The following ALMS1 variants were observed in gnomAD, a reference collection of about 807,000 sequenced individuals.
ALMS1 encodes centrosome-associated protein ALMS1.
A neutral mutation model predicts 352.2 loss-of-function variants in ALMS1; 271 were observed. That is an observed-to-expected ratio of 0.77 (90% CI 0.70 to 0.85). ALMS1 has a LOEUF of 0.85. ALMS1 is among the 40% of genes least tolerant of loss of function. The pLI is 0.00. For missense variants in ALMS1, 5,445 were observed against 4,870.7 expected (o/e 1.12, Z -3.51); for synonymous variants, 1,865 against 1,761.2 (o/e 1.06, Z -1.48).
Position 73,385,848 on chromosome 2 carries a change from C to A in ALMS1, c.-21C>A. 1 of 715,324 alleles carries A rather than the reference C, an allele frequency of 1.4e-6. No homozygotes were observed. Among genetic ancestry groups the A allele is most frequent in the East Asian group, 2.7e-5 (1 of 36,842 alleles). The allele number at this position is 715,324 out of a possible 1,614,324, so 44.3% of individuals were successfully genotyped here. On this transcript the variant is annotated 5_prime_UTR_variant, in exon 1 of 23. Transcript: ENST00000613296. ...TCCCCCCCTCCTCCTCCTCCTCTGC[C>A]GCCCAGAGCGAGACACCAACATGGA...
chr2:73,459,904 G>A (rs1672149847), intron 9 of ALMS1, among the ~76,000 whole-genome samples: 1 of 152,146 alleles, frequency 6.6e-6, no homozygotes, highest in African/African-American at 2.4e-5. Context: ...CCTTTCAGCA[G>A]ACAATGTGTG....
At chr2:73,559,527 AAATC>A (rs1170943586) in intron 15 of ALMS1, among the ~76,000 whole-genome samples, 4 of 152,132 alleles carry the variant, frequency 2.6e-5, no homozygotes, top group Admixed American at 2.6e-4. Context: ...AATTACAATA[AAATC>A]ACATTTATTT....
chr2:73,469,286 A>G (rs1328794982), intron 9 of ALMS1, among the ~76,000 whole-genome samples: 1 of 151,984 alleles, frequency 6.6e-6, no homozygotes, highest in East Asian at 1.9e-4. Flanking sequence ...AAAATCTATC[A>G]GTTAATGAAC....
rs999127320 is a variant in ALMS1 at position 73,396,336 on chromosome 2, A to G, written c.324+10144A>G. Among the ~76,000 whole-genome samples the G allele has an allele frequency of 5.9e-5, 9 of 151,900 alleles. No homozygotes were observed. The East Asian group carries it at 1.5e-3, about 26-fold the overall frequency. ...CACACACACACACACACACACACAC[A>G]CACGCTTGTATTTTGTTTAGAGTTA... On this transcript the variant is annotated intron_variant, in intron 1 of 22. Transcript: ENST00000613296.
intron 10 of ALMS1, among the ~76,000 whole-genome samples, chr2:73,493,280 T>C (rs1445942951): frequency 6.6e-6 from 1 of 151,476 alleles, no homozygotes; most frequent in Non-Finnish European, 1.5e-5. Flanking sequence ...CACATGGCCA[T>C]TGAGCATTGG....
chr2:73,566,362 GTCACCCTGA>G (rs1311636659), intron 15 of ALMS1, among the ~76,000 whole-genome samples: 6 of 152,300 alleles, frequency 3.9e-5, no homozygotes, highest in Admixed American at 3.9e-4. Flanking sequence ...TATCATGACA[GTCACCCTGA>G]TAACCCAGAC....
intron 15 of ALMS1, among the ~76,000 whole-genome samples, chr2:73,560,640 A>G (rs940923276): frequency 1.3e-4 from 20 of 152,212 alleles, no homozygotes; most frequent in African/African-American, 4.1e-4. Flanking sequence ...AGGTGGAAGC[A>G]ACCCACATGT....
Position 73,482,155 on chromosome 2 carries a change from C to A in ALMS1, c.7675-7479C>A, listed in dbSNP as rs540025533. Among the ~76,000 whole-genome samples, 3 of 152,242 alleles carry A rather than the reference C, an allele frequency of 2.0e-5. No individual in the cohort carries two copies. In the South Asian group the frequency reaches 6.2e-4, roughly 32 times the overall value. ...GAGAGAGGGCATCCCTGTCTTGTGC[C>A]GGTTTTCAAAGGGAATGCTTCCAGT... On this transcript the variant is annotated intron_variant, in intron 9 of 22. Transcript: ENST00000613296.
At chr2:73,518,665 A>T (rs1673609316) in intron 10 of ALMS1, among the ~76,000 whole-genome samples, 2 of 152,134 alleles carry the variant, frequency 1.3e-5, no homozygotes, top group Admixed American at 6.5e-5. Flanking sequence ...ATTCTGATTG[A>T]TGTGAAATGG....
At chr2:73,585,055 T>G (rs1244166719) in intron 16 of ALMS1, among the ~76,000 whole-genome samples, 2 of 152,214 alleles carry the variant, frequency 1.3e-5, no homozygotes, top group Middle Eastern at 3.2e-3. Flanking sequence ...GCTTCCATGT[T>G]TTTGCAATTG....
At chr2:73,548,691 T>G (rs1398556585) in intron 12 of ALMS1, among the ~76,000 whole-genome samples, 1 of 152,206 alleles carries the variant, frequency 6.6e-6, no homozygotes, top group African/African-American at 2.4e-5. Flanking sequence ...ACATCTTTTC[T>G]AATTTCCATA....
At chr2:73,464,113 G>C (rs1315894333) in intron 9 of ALMS1, among the ~76,000 whole-genome samples, 2 of 152,136 alleles carry the variant, frequency 1.3e-5, no homozygotes, top group African/African-American at 4.8e-5. Context: ...GCATCATTCT[G>C]ATACCAAAGC....
chr2:73,530,552 T>C (rs926602084), intron 11 of ALMS1, among the ~76,000 whole-genome samples: 2 of 152,182 alleles, frequency 1.3e-5, no homozygotes, highest in Non-Finnish European at 2.9e-5. Context: ...AGGTGCACAG[T>C]GCAAGCTGTT....
intron 7 of ALMS1, among the ~76,000 whole-genome samples, chr2:73,444,382 G>A (rs369783291): frequency 7.6e-4 from 115 of 151,800 alleles, no homozygotes; most frequent in Non-Finnish European, 1.3e-3. Context: ...GGGATTTGAT[G>A]TTTGAGTACA....
At chr2:73,468,493 C>A (rs1236584529) in intron 9 of ALMS1, among the ~76,000 whole-genome samples, 1 of 152,016 alleles carries the variant, frequency 6.6e-6, no homozygotes, top group Non-Finnish European at 1.5e-5. Context: ...CTCCAAGACT[C>A]TTTTCATCTT....
At position 73,453,159 on chromosome 2, in the gene ALMS1, C is replaced by A. The variant is rs1357695377; in HGVS notation, c.6632C>A (p.Ser2211Tyr). 13 of 1,613,928 alleles carry A rather than the reference C, an allele frequency of 8.1e-6. No individual in the cohort carries two copies. The highest frequency in any genetic ancestry group is 1.1e-5 in the Non-Finnish European group (13 of 1,179,992). Residue 2211 changes from serine (S) to tyrosine (Y), a missense_variant, in exon 8 of 23, where the codon TCT becomes TAT. Ser to Tyr is a moderately radical substitution (Grantham distance 144, BLOSUM62 -2). Coordinates refer to ENST00000613296, the MANE Select transcript of ALMS1 (RefSeq NM_001378454.1). ...HVQRLIDNLN[S>Y]SDSSVSSNNV... ...CAAAGGCTAATAGATAATTTGAATT[C>A]TTCTGACTCCAGTGTTAGCTCAAAT...
chr2:73,504,522 G>C (rs1184487130), intron 10 of ALMS1, among the ~76,000 whole-genome samples: 2 of 152,080 alleles, frequency 1.3e-5, no homozygotes, highest in African/African-American at 4.8e-5. Flanking sequence ...ATGTTACATA[G>C]ATGGAACATA....
intron 9 of ALMS1, among the ~76,000 whole-genome samples, chr2:73,474,140 A>AT (rs200469759): frequency 0.07 from 10,605 of 150,542 alleles, 408 homozygotes; most frequent in Middle Eastern, 0.12. Context: ...GCTTTAACAG[A>AT]TTTTTTTTTT....
chr2:73,491,994 T>C (rs1673000491), intron 10 of ALMS1, among the ~76,000 whole-genome samples: 1 of 152,184 alleles, frequency 6.6e-6, no homozygotes, highest in South Asian at 2.1e-4. Flanking sequence ...GATACCAGTT[T>C]AGTCAAATGA....
Sources: allele counts gnomAD v4.1 joint callset (sites outside exome capture counted in the v4.1 genomes callset), GRCh38; gene constraint gnomAD v4.1.1; transcripts MANE v1.5; gene names NCBI Gene and HGNC (gene_info 2026-07-23, HGNC 2026-07-21).